MPRIP: variants seen among roughly 807,000 people sequenced by gnomAD.
The protein encoded by MPRIP is myosin phosphatase Rho interacting protein.
MPRIP carries 59 observed loss-of-function variants against 234.9 expected under a neutral mutation model. The observed-to-expected ratio is 0.25, with a 90% CI of 0.20 to 0.31. The LOEUF is 0.31. MPRIP is among the 10% of genes least tolerant of loss of function. The pLI is 1.00. For missense variants in MPRIP, 2,436 were observed against 3,071.0 expected (o/e 0.79, Z 4.89); for synonymous variants, 1,144 against 1,263.9 (o/e 0.91, Z 2.01).
chr17:17,106,031 G>C (rs991515702), intron 3 of MPRIP, among the ~76,000 whole-genome samples: 4 of 152,240 alleles, frequency 2.6e-5, no homozygotes, highest in Non-Finnish European at 4.4e-5. Flanking sequence ...TGTGTAGCCA[G>C]TACCATGATC....
intron 3 of MPRIP, among the ~76,000 whole-genome samples, chr17:17,084,918 C>T (rs1018401911): frequency 2.6e-5 from 4 of 152,222 alleles, no homozygotes; most frequent in African/African-American, 9.6e-5. Context: ...CTGTAACTGT[C>T]TGAGAGGCAG....
intron 11 of MPRIP, 111 bp downstream of exon 11, chr17:17,147,498 AGCGCCC>A: frequency 1.9e-6 from 2 of 1,058,522 alleles, no homozygotes; most frequent in Non-Finnish European, 2.9e-6. Context: ...TTCTGAGGAC[AGCGCCC>A]TTCGGTGGTG....
At chr17:17,126,101 G>C (rs992301793) in intron 3 of MPRIP, among the ~76,000 whole-genome samples, 2 of 152,192 alleles carry the variant, frequency 1.3e-5, no homozygotes, top group African/African-American at 4.8e-5. Flanking sequence ...TAATTTCAGT[G>C]TGTAACAGTT....
intron 1 of MPRIP, among the ~76,000 whole-genome samples, chr17:17,050,921 C>G (rs1419162006): frequency 6.6e-6 from 1 of 152,134 alleles, no homozygotes; most frequent in Non-Finnish European, 1.5e-5. Flanking sequence ...GCTTTTTTCC[C>G]TGGGTTCTAG....
At chr17:17,172,933 C>T in intron 18 of MPRIP, 118 bp downstream of exon 18, 1 of 875,448 alleles carries the variant, frequency 1.1e-6, no homozygotes, top group South Asian at 1.6e-5. Flanking sequence ...GCCTGGGGCC[C>T]CTGGGTGCTG....
chr17:17,165,103 A>G lies in MPRIP; in HGVS notation c.3512A>G (p.Glu1171Gly). 7.7e-7 allele frequency: 1 copy of G among 1,304,056 alleles called. No individual in the cohort carries two copies. Among genetic ancestry groups the G allele is most frequent in the Non-Finnish European group, 1.0e-6 (1 of 988,970 alleles). The allele number at this position is 1,304,056 out of a possible 1,614,324, so 80.8% of individuals were successfully genotyped here. The change falls in exon 16 of 24, where the codon GAG (glutamate) becomes GGG (glycine). Residue 1171 changes from glutamate (E) to glycine (G), a missense_variant. Coordinates refer to ENST00000651222, the MANE Select transcript of MPRIP (RefSeq NM_001364716.4). The part of the protein sequence containing the change: ...TLLREKEEEL[E>G]RIKEAHEKVL... ...CTGAGAGAGAAGGAGGAAGAGCTGG[A>G]GCGCATTAAGGAAGCACATGAGAAG...
At chr17:17,173,862 C>T in intron 18 of MPRIP, 54 bp from the exon 19 acceptor site, 2 of 1,610,154 alleles carry the variant, frequency 1.2e-6, no homozygotes, top group South Asian at 2.2e-5. Context: ...ACACCGGCCT[C>T]TGAGAGGCCT....
intron 9 of MPRIP, among the ~76,000 whole-genome samples, chr17:17,145,483 C>A (rs989411616): frequency 5.9e-5 from 9 of 152,208 alleles, no homozygotes; most frequent in Admixed American, 2.6e-4. Flanking sequence ...GCGCTGCCCC[C>A]CTGTCTGCCA....
rs117593152 is a variant in MPRIP at position 17,136,620 on chromosome 17, C to G, written c.736+170C>G. Among the ~76,000 whole-genome samples, 490 of 152,340 alleles carry G rather than the reference C, an allele frequency of 3.2e-3. 2 individuals are homozygous for G. Among genetic ancestry groups the G allele is most frequent in the Middle Eastern group, 6.8e-3 (2 of 294 alleles). ...ACCTGGCCTGGTATGTTCTGAGATT[C>G]CCGGGCTCCAGTCTTGGCCTTGCCC... On this transcript the variant is annotated intron_variant, in intron 6 of 23. Coordinates refer to ENST00000651222, the MANE Select transcript of MPRIP (RefSeq NM_001364716.4).
intron 1 of MPRIP, among the ~76,000 whole-genome samples, chr17:17,048,349 G>A (rs1247972474): frequency 6.6e-6 from 1 of 152,174 alleles, no homozygotes; most frequent in African/African-American, 2.4e-5. Context: ...GGGCCAGGAC[G>A]AGGTCTCAGG....
intron 9 of MPRIP, among the ~76,000 whole-genome samples, chr17:17,145,663 C>T (rs2144525771): frequency 6.6e-6 from 1 of 152,380 alleles, no homozygotes; most frequent in South Asian, 2.1e-4. Flanking sequence ...TCAGCCTTCC[C>T]TGCAGATGTT....
At position 17,165,749 on chromosome 17, in the gene MPRIP, G is replaced by C. The variant is rs1238753405; in HGVS notation, c.4158G>C (p.Leu1386=). ...CGTACCTCTCCATCATCCACTCCCT[G>C]GAGACCAAGCTCTACGTCACAGAGG... The part of the protein sequence containing the change: ...SDTYLSIIHS[L]ETKLYVTEEK... The change falls in exon 16 of 24, where the codon CTG becomes CTC. Residue 1386 remains leucine (L), a synonymous_variant. Coordinates refer to ENST00000651222, the MANE Select transcript of MPRIP (RefSeq NM_001364716.4). The C allele has an allele frequency of 6.1e-6, 8 of 1,304,888 alleles. No homozygotes were observed. The highest frequency in any genetic ancestry group is 2.3e-5 in the Admixed American group (1 of 43,578). The allele number at this position is 1,304,888 out of a possible 1,614,324, so 80.8% of individuals were successfully genotyped here.
At chr17:17,105,704 T>C (rs1441516162) in intron 3 of MPRIP, among the ~76,000 whole-genome samples, 1 of 152,192 alleles carries the variant, frequency 6.6e-6, no homozygotes, top group East Asian at 1.9e-4. Context: ...GGCTGTTCCC[T>C]GGAAACAGTG....
rs2046530530 is a variant in MPRIP at position 17,188,931 on chromosome 17, G to A, written c.*4037G>A. 6.6e-6 allele frequency: 1 copy of A among 152,208 alleles called. No homozygotes were observed. Among genetic ancestry groups the A allele is most frequent in the Admixed American group, 6.5e-5 (1 of 15,280 alleles). The allele number at this position is 152,208 out of a possible 1,614,324, so 9.4% of individuals were successfully genotyped here. Reference sequence around the variant, plus strand: ...ACCTGCAGCCTAATTTGGGGTGTAGGGGAAGCTCTGCTGGCCCCTGCTCCT... The same window carrying A: ...ACCTGCAGCCTAATTTGGGGTGTAGAGGAAGCTCTGCTGGCCCCTGCTCCT... On this transcript the variant is annotated 3_prime_UTR_variant, in exon 24 of 24. Coordinates refer to ENST00000651222, the MANE Select transcript of MPRIP (RefSeq NM_001364716.4).
At chr17:17,043,702 A>G (rs1249452304) in intron 1 of MPRIP, among the ~76,000 whole-genome samples, 1 of 152,092 alleles carries the variant, frequency 6.6e-6, no homozygotes, top group Non-Finnish European at 1.5e-5. Context: ...GACTGGGGAG[A>G]TGGGGAATTT....
chr17:17,098,189 GA>G (rs1197717065), intron 3 of MPRIP, among the ~76,000 whole-genome samples: 1 of 152,184 alleles, frequency 6.6e-6, no homozygotes, highest in Non-Finnish European at 1.5e-5. Context: ...GCAGCAGGAA[GA>G]AAGGTAAAGC....
intron 3 of MPRIP, among the ~76,000 whole-genome samples, chr17:17,126,291 T>C (rs1597848767): frequency 6.6e-6 from 1 of 152,142 alleles, no homozygotes. Flanking sequence ...ATGTGGCTTC[T>C]CTCTGGCCCC....
chr17:17,172,613 C>T, intron 17 of MPRIP, 85 bp from the exon 18 acceptor site: 1 of 1,014,122 alleles, frequency 9.9e-7, no homozygotes, highest in South Asian at 1.3e-5. Context: ...CAGGCGCCAT[C>T]CCATTGTGTG....
At chr17:17,133,256 C>A (rs556059934) in intron 5 of MPRIP, among the ~76,000 whole-genome samples, 10 of 152,318 alleles carry the variant, frequency 6.6e-5, no homozygotes, top group African/African-American at 2.4e-4. Flanking sequence ...GACAACCTTG[C>A]GGGGTCTCTC....
Sources: allele counts gnomAD v4.1 joint callset (sites outside exome capture counted in the v4.1 genomes callset), GRCh38; gene constraint gnomAD v4.1.1; transcripts MANE v1.5; gene names NCBI Gene and HGNC (gene_info 2026-07-23, HGNC 2026-07-21).